Variants in TRAM1 observed in about 807,000 individuals in gnomAD.
The protein encoded by TRAM1 is translocating chain-associated membrane protein 1.
Under a neutral mutation model 48.7 loss-of-function variants are expected in TRAM1, and 17 were observed. That is an observed-to-expected ratio of 0.35 (90% CI 0.24 to 0.52). The LOEUF (loss-of-function observed/expected upper bound fraction) is 0.52, where lower values mean the gene tolerates loss of function less well. TRAM1 is among the 20% of genes least tolerant of loss of function. The probability of loss-of-function intolerance (pLI) is 0.94; values close to 1 mark genes in which losing one functional copy is unlikely to be tolerated. For synonymous variants in TRAM1, 182 were observed against 154.0 expected, an observed-to-expected ratio of 1.18 and a Z score of -1.34; for missense variants, 351 against 441.5, an observed-to-expected ratio of 0.79 and a Z score of 1.84.
At chr8:70,597,578 G>A (rs976864764) in intron 4 of TRAM1, among the ~76,000 whole-genome samples, 2 of 143,588 alleles carry the variant, frequency 1.4e-5, no homozygotes, top group African/African-American at 5.2e-5. Context: ...GCTGAGGCAG[G>A]AGAATCGCTT....
intron 2 of TRAM1, among the ~76,000 whole-genome samples, chr8:70,599,707 A>G (rs1352844206): frequency 3.3e-5 from 5 of 152,266 alleles, no homozygotes; most frequent in African/African-American, 4.8e-5. Context: ...TGACATTTAA[A>G]CAATTTTAAA....
At chr8:70,576,748 C>A (rs1420486746) in intron 10 of TRAM1, among the ~76,000 whole-genome samples, 6 of 152,138 alleles carry the variant, frequency 3.9e-5, no homozygotes, top group Non-Finnish European at 5.9e-5. Flanking sequence ...CTGTGTGCTC[C>A]ACATAGCTAG....
chr8:70,583,929 C>T (rs867697855), intron 8 of TRAM1, 136 bp from the exon 9 acceptor site: 4 of 988,566 alleles, frequency 4.0e-6, no homozygotes, highest in African/African-American at 3.4e-5. Context: ...AGGAGAATTG[C>T]TTGAAACCAG....
intron 6 of TRAM1, among the ~76,000 whole-genome samples, chr8:70,589,396 GCTCA>G (rs1341938929): frequency 1.3e-5 from 2 of 152,118 alleles, no homozygotes; most frequent in African/African-American, 2.4e-5. Context: ...TCTCAGAAAA[GCTCA>G]CTTAGTATTA....
intron 10 of TRAM1, among the ~76,000 whole-genome samples, chr8:70,577,338 G>A (rs1816979143): frequency 6.6e-6 from 1 of 152,184 alleles, no homozygotes; most frequent in Non-Finnish European, 1.5e-5. Context: ...TTCAAGCCAG[G>A]GACAGCCTGA....
In TRAM1 at chr8:70,573,272, A is replaced by G. The variant is rs553415911; in HGVS notation, c.*1660T>C. Among the ~76,000 whole-genome samples the G allele has an allele frequency of 3.3e-4, 50 of 152,300 alleles. No individual in the cohort carries two copies. Among genetic ancestry groups the G allele is most frequent in the South Asian group, 1.7e-3 (8 of 4,822 alleles). ...TTTGGTTATGACCATCTATCCCCCC[A>G]GTAGTCCTCACCAATATTCTGTGGA... On this transcript the variant is annotated 3_prime_UTR_variant, in exon 11 of 11. Transcript: ENST00000262213.
Position 70,608,360 on chromosome 8 carries a change from G to C in TRAM1, c.-161C>G, listed in dbSNP as rs774528537. ...ATCCCACAGCCAGTACGCAGCCGCC[G>C]GGCCGCCCGGGGGAAAAAAAAAAAC... On this transcript the variant is annotated 5_prime_UTR_variant, in exon 1 of 11. Transcript: ENST00000262213. 4.1e-6 allele frequency: 3 copies of C among 736,730 alleles called. No homozygotes were observed. The highest frequency in any genetic ancestry group is 2.6e-5 in the South Asian group (1 of 37,836). 45.6% of individuals were successfully genotyped at this position (736,730 alleles called of 1,614,324 possible).
At chr8:70,582,193 T>C (rs532322374) in intron 10 of TRAM1, among the ~76,000 whole-genome samples, 4 of 152,100 alleles carry the variant, frequency 2.6e-5, no homozygotes, top group Admixed American at 6.5e-5. Context: ...TGTTAATGGG[T>C]TGAAATAGTC....
Position 70,598,389 on chromosome 8 carries a change from T to C in TRAM1, c.188-134A>G, listed in dbSNP as rs1817536204. 5.1e-6 allele frequency: 4 copies of C among 782,808 alleles called. No homozygotes were observed. The Admixed American group carries it at 1.6e-4, about 31-fold the overall frequency. The allele number at this position is 782,808 out of a possible 1,614,324, so 48.5% of individuals were successfully genotyped here. A position where few individuals can be genotyped will look rare whatever the true frequency, so the allele number is the denominator to read the frequency against. ...TTCTATATTAACATCATAAATAACG[T>C]GGTCTTGGACATCTTGAGTCTTAGA... On this transcript the variant is annotated intron_variant, in intron 2 of 10. Coordinates refer to ENST00000262213, the MANE Select transcript of TRAM1 (RefSeq NM_014294.6).
Position 70,603,303 on chromosome 8 carries a change from TACACACACACACACAC to T in TRAM1, c.124-3237_124-3222del, listed in dbSNP as rs35864770. On this transcript the variant is annotated intron_variant, in intron 1 of 10. Transcript: ENST00000262213. ...ATATACACACTATATATATGTTTTA[TACACACACACACACAC>T]ACACACACACACACAATCTGTTTTA... is the stretch of plus-strand genomic sequence containing the variant. Among the ~76,000 whole-genome samples the T allele has an allele frequency of 4.0e-5, 6 of 150,062 alleles. No individual in the cohort carries two copies. In the East Asian group the frequency reaches 7.8e-4, roughly 20 times the overall value.
rs370931489 is a variant in TRAM1, at chr8:70,600,005, C to T, written c.187+14G>A. The stretch of plus-strand genomic sequence containing the variant: ...TTCTATTTACGTAGAAAATTCTTAG[C>T]GTAAATTACCTACCTGTTGCTGGGA... On this transcript the variant is annotated intron_variant, in intron 2 of 10. Transcript: ENST00000262213. The T allele has an allele frequency of 3.1e-6, 5 of 1,608,900 alleles. No individual in the cohort carries two copies. The highest frequency in any genetic ancestry group is 3.3e-5 in the Admixed American group (2 of 59,742).
chr8:70,604,877 T>G (rs1817687372), intron 1 of TRAM1, among the ~76,000 whole-genome samples: 2 of 152,208 alleles, frequency 1.3e-5, no homozygotes, highest in South Asian at 4.1e-4. Flanking sequence ...TTCAGAAAGC[T>G]TCCCAAGCAT....
At chr8:70,606,780 C>A (rs1204029317) in intron 1 of TRAM1, 1 of 558,094 alleles carries the variant, frequency 1.8e-6, no homozygotes, top group East Asian at 1.4e-4. Flanking sequence ...CCAGAAAAGC[C>A]CATTTGATGA....
intron 4 of TRAM1, among the ~76,000 whole-genome samples, chr8:70,596,717 G>A (rs986512390): frequency 6.6e-6 from 1 of 151,148 alleles, no homozygotes. Context: ...AGGAGACAAA[G>A]GATCAGGGTG....
intron 6 of TRAM1, chr8:70,587,755 A>G (rs1817258368): frequency 6.6e-6 from 1 of 152,302 alleles, no homozygotes; most frequent in Admixed American, 6.5e-5. Context: ...CAACAAGTTT[A>G]ACATTTTGTA....
chr8:70,577,971 TGGCTG>T (rs1816995283), intron 10 of TRAM1, among the ~76,000 whole-genome samples: 1 of 152,254 alleles, frequency 6.6e-6, no homozygotes, highest in Non-Finnish European at 1.5e-5. Context: ...CCTGTGTGTC[TGGCTG>T]TGCGCAGTGG....
chr8:70,587,263 G>C, intron 6 of TRAM1, 87 bp from the exon 7 acceptor site: 1 of 1,377,930 alleles, frequency 7.3e-7, no homozygotes. Context: ...ATGTTGCCCA[G>C]GTTGGTCTCA....
At chr8:70,591,120 G>T (rs1463597570) in intron 6 of TRAM1, among the ~76,000 whole-genome samples, 1 of 152,002 alleles carries the variant, frequency 6.6e-6, no homozygotes, top group African/African-American at 2.4e-5. Context: ...ATACATGGAA[G>T]TAGGGGTAGT....
chr8:70,599,497 A>G (rs1469982691), intron 2 of TRAM1, among the ~76,000 whole-genome samples: 1 of 152,172 alleles, frequency 6.6e-6, no homozygotes, highest in Non-Finnish European at 1.5e-5. Context: ...TTGAAATAAA[A>G]CCTAATAGTT....
Sources: gnomAD v4.1 joint callset for allele counts (sites outside exome capture counted in the v4.1 genomes callset) on GRCh38, gnomAD v4.1.1 for gene constraint, MANE v1.5 for transcripts, NCBI Gene and HGNC (gene_info 2026-07-23, HGNC 2026-07-21) for gene names.